The following HIVEP2 variants were observed in gnomAD, a reference collection of about 807,000 sequenced individuals.
HIVEP2 encodes the protein transcription factor HIVEP2.
HIVEP2 carries 14 observed loss-of-function variants against 180.7 expected under a neutral mutation model. The observed-to-expected ratio is 0.08, with a 90% CI of 0.05 to 0.12. The LOEUF (loss-of-function observed/expected upper bound fraction) is 0.12, where lower values mean the gene tolerates loss of function less well. Ranked by LOEUF, HIVEP2 falls within the 10% of genes least tolerant of loss-of-function variation. The pLI is 1.00. For missense variants in HIVEP2, 2,579 were observed against 3,008.5 expected (o/e 0.86, Z 3.34); for synonymous variants, 1,184 against 1,136.4 (o/e 1.04, Z -0.84).
At position 142,753,915 on chromosome 6, in the gene HIVEP2, A is replaced by G. The variant is rs1371310879; in HGVS notation, c.6533T>C (p.Leu2178Ser). Residue 2178 changes from leucine (L) to serine (S), a missense_variant, in exon 10 of 10, where the codon TTA becomes TCA. Leu to Ser is a moderately radical substitution (Grantham distance 145). Around this residue, in one of 11 missense-constraint regions of HIVEP2, gnomAD observed 660 missense variants for 731.7 expected, o/e 0.90. Coordinates refer to ENST00000367603, the MANE Select transcript of HIVEP2 (RefSeq NM_006734.4). Reference protein sequence around the residue: ...VLGPPNLRRGLPQVPYFSLYG... With the variant: ...VLGPPNLRRGSPQVPYFSLYG... ...GAGACTGAAGTAAGGAACCTGAGGT[A>G]ATCCTCTTCTTAAATTCTGCGCAGA... 6.3e-7 allele frequency: 1 copy of G among 1,586,496 alleles called. No homozygotes were observed. The highest frequency in any genetic ancestry group is 8.6e-7 in the Non-Finnish European group (1 of 1,162,022).
chr6:142,940,449 A>G (rs1562299467), intron 1 of HIVEP2, among the ~76,000 whole-genome samples: 1 of 152,206 alleles, frequency 6.6e-6, no homozygotes, highest in East Asian at 1.9e-4. Context: ...TCAAGGTCCT[A>G]CCCCTCAAAA....
chr6:142,869,303 A>T (rs576430928), intron 1 of HIVEP2, among the ~76,000 whole-genome samples: 1 of 152,328 alleles, frequency 6.6e-6, no homozygotes, highest in East Asian at 1.9e-4. Context: ...TCCCTGAAAA[A>T]TGAAGTGCAT....
In HIVEP2 at chr6:142,771,107, G is replaced by A. The variant is rs1294441932; in HGVS notation, c.3632C>T (p.Pro1211Leu). 6.2e-7 allele frequency: 1 copy of A among 1,614,188 alleles called. No homozygotes were observed. The highest frequency in any genetic ancestry group is 8.5e-7 in the Non-Finnish European group (1 of 1,180,042). The change falls in exon 5 of 10, where the codon CCT becomes CTT. Residue 1211 changes from proline to leucine, a missense_variant. Transcript: ENST00000367603. This position sits in a 1 kb window ranked among gnomAD's most constrained non-coding sequence, Gnocchi z 5.4. ...IQNALFQFQY[P>L]TVCMVHLPAQ... ...TGGTAAATGAACCATACAAACTGTA[G>A]GATACTGAAACTGAAACAAGGCATT...
At chr6:142,822,634 T>C (rs1217149263) in intron 2 of HIVEP2, among the ~76,000 whole-genome samples, 1 of 152,222 alleles carries the variant, frequency 6.6e-6, no homozygotes, top group African/African-American at 2.4e-5. Context: ...TGTCCATTTG[T>C]GGTTAAGAGC....
At chr6:142,909,752 A>T (rs1777356802) in intron 1 of HIVEP2, among the ~76,000 whole-genome samples, 1 of 152,208 alleles carries the variant, frequency 6.6e-6, no homozygotes, top group Admixed American at 6.5e-5. Flanking sequence ...TGGAGATAAC[A>T]GTATCATATG....
Position 142,753,823 on chromosome 6 carries a change from A to G in HIVEP2, c.6625T>C (p.Tyr2209His), listed in dbSNP as rs1312448986. The G allele has an allele frequency of 3.1e-6, 5 of 1,613,880 alleles. No individual in the cohort carries two copies. Among genetic ancestry groups the G allele is most frequent in the African/African-American group, 2.7e-5 (2 of 74,922 alleles). Reference protein sequence around the residue: ...SSLFPEGPNDYVFSHLPLHSQ... With the variant: ...SSLFPEGPNDHVFSHLPLHSQ... ...TGGAGTGGAAGATGACTGAAGACATAGTCATTAGGACCCTCAGGGAAAAGG... is the reference window on the plus strand; with the variant it reads ...TGGAGTGGAAGATGACTGAAGACATGGTCATTAGGACCCTCAGGGAAAAGG... The change falls in exon 10 of 10, where the codon TAT becomes CAT. Residue 2209 changes from tyrosine to histidine, a missense_variant. Around this residue, in one of 11 missense-constraint regions of HIVEP2, gnomAD observed 660 missense variants for 731.7 expected, o/e 0.90. Transcript: ENST00000367603.
intron 1 of HIVEP2, among the ~76,000 whole-genome samples, chr6:142,881,474 G>A (rs1776572755): frequency 6.6e-6 from 1 of 152,174 alleles, no homozygotes; most frequent in African/African-American, 2.4e-5. Context: ...CCCTACACAT[G>A]TTATTAGAGT....
intron 9 of HIVEP2, among the ~76,000 whole-genome samples, chr6:142,758,247 C>T (rs1775130699): frequency 1.3e-5 from 2 of 152,182 alleles, no homozygotes; most frequent in African/African-American, 4.8e-5. Flanking sequence ...TAAACAACAT[C>T]CCAATTGCTA....
intron 1 of HIVEP2, among the ~76,000 whole-genome samples, chr6:142,944,524 G>A (rs1454044791): frequency 2.6e-5 from 4 of 152,088 alleles, no homozygotes; most frequent in African/African-American, 9.7e-5. Context: ...GGGGGGTGGG[G>A]GTGAAAGGAG....
Position 142,769,643 on chromosome 6 carries a change from T to G in HIVEP2, c.5096A>C (p.Lys1699Thr). 2 of 1,614,194 alleles carry G rather than the reference T, an allele frequency of 1.2e-6. No individual in the cohort carries two copies. Among genetic ancestry groups the G allele is most frequent in the Non-Finnish European group, 1.7e-6 (2 of 1,180,044 alleles). ...CAGAGTATAAATTTCTGCAGTGATT[T>G]TTTGCTTGGACCTCAGAAGAGCCAG... ...TTLALLRSKQ[K>T]ITAEIYTLAA... The change falls in exon 5 of 10, where the codon AAA becomes ACA. Residue 1699 changes from lysine (K) to threonine (T), a missense_variant. Lys to Thr is a moderately conservative substitution (Grantham distance 78, BLOSUM62 -1). Coordinates refer to ENST00000367603, the MANE Select transcript of HIVEP2 (RefSeq NM_006734.4).
At chr6:142,763,594 T>C (rs1004115581) in intron 7 of HIVEP2, among the ~76,000 whole-genome samples, 8 of 152,340 alleles carry the variant, frequency 5.3e-5, no homozygotes, top group Admixed American at 3.9e-4. Context: ...CAACTATACC[T>C]GCAGCAAACT....
intron 1 of HIVEP2, among the ~76,000 whole-genome samples, chr6:142,895,974 T>G (rs551857297): frequency 1.3e-5 from 2 of 152,310 alleles, no homozygotes; most frequent in South Asian, 4.1e-4. Flanking sequence ...ATGGCCGATG[T>G]TAGAGAAAAA....
chr6:142,876,744 C>A (rs1353822943), intron 1 of HIVEP2, among the ~76,000 whole-genome samples: 1 of 152,120 alleles, frequency 6.6e-6, no homozygotes, highest in Admixed American at 6.5e-5. Flanking sequence ...AGACATAGGT[C>A]AGGAGTGGTG....
chr6:142,817,289 C>T (rs1302227886), intron 2 of HIVEP2, among the ~76,000 whole-genome samples: 1 of 152,176 alleles, frequency 6.6e-6, no homozygotes, highest in Non-Finnish European at 1.5e-5. Context: ...ATGGTTGTAG[C>T]CAATGCTAGA....
intron 1 of HIVEP2, among the ~76,000 whole-genome samples, chr6:142,858,885 T>C (rs930630280): frequency 9.2e-5 from 14 of 152,120 alleles, no homozygotes; most frequent in Non-Finnish European, 1.9e-4. Flanking sequence ...TGAGCCACCC[T>C]GCCCAGCCCT....
Position 142,801,145 on chromosome 6 carries a change from C to T in HIVEP2, c.-527-17530G>A, listed in dbSNP as rs552339046. 2.7e-5 allele frequency among the ~76,000 whole-genome samples: 4 copies of T among 145,808 alleles called. No individual in the cohort carries two copies. In the South Asian group the frequency reaches 8.7e-4, roughly 32 times the overall value. ...TTCTCTGCAGGTCAGAAGAGAGGAC[C>T]TTTCCCAGGGACTCACCAGGTATGA... is the stretch of plus-strand genomic sequence containing the variant. On this transcript the variant is annotated intron_variant, in intron 2 of 9. Transcript: ENST00000367603.
intron 2 of HIVEP2, among the ~76,000 whole-genome samples, chr6:142,820,664 T>A (rs953797511): frequency 2.0e-5 from 3 of 152,194 alleles, no homozygotes; most frequent in Non-Finnish European, 2.9e-5. Context: ...GCCCTTTTTC[T>A]ATTTTTTTTT....
chr6:142,776,844 G>T (rs1024181650), intron 3 of HIVEP2, among the ~76,000 whole-genome samples: 5 of 151,090 alleles, frequency 3.3e-5, no homozygotes, highest in South Asian at 2.1e-4. Flanking sequence ...AAAATAGTGG[G>T]TTTTTTTTTC....
At chr6:142,824,204 A>C (rs1015932803) in intron 2 of HIVEP2, among the ~76,000 whole-genome samples, 2 of 152,226 alleles carry the variant, frequency 1.3e-5, no homozygotes, top group African/African-American at 4.8e-5. Context: ...AAGAAGCAGT[A>C]GAAAATCTGA....
Sources: gnomAD v4.1 joint callset for allele counts (sites outside exome capture counted in the v4.1 genomes callset) on GRCh38, gnomAD v4.1.1 for gene constraint, gnomAD v4.1.1 regional missense constraint, Gnocchi (gnomAD v3.1) non-coding constraint, MANE v1.5 for transcripts, NCBI Gene and HGNC (gene_info 2026-07-23, HGNC 2026-07-21) for gene names.